The following DLG3 variants were observed in gnomAD, a reference collection of about 807,000 sequenced individuals.
DLG3 encodes discs large MAGUK scaffold protein 3.
DLG3 carries 1 observed loss-of-function variant against 64.1 expected under a neutral mutation model. The observed-to-expected ratio is 0.02, with a 90% CI of 0.01 to 0.07. The LOEUF is 0.07. Ranked by LOEUF, DLG3 falls within the 10% of genes least tolerant of loss-of-function variation. The pLI, the probability that DLG3 is intolerant of heterozygous loss-of-function variation, is 1.00. For synonymous variants in DLG3, 245 were observed against 259.8 expected, an observed-to-expected ratio of 0.94 and a Z score of 0.55; for missense variants, 429 against 669.5, an observed-to-expected ratio of 0.64 and a Z score of 3.96.
intron 10 of DLG3, among the ~76,000 whole-genome samples, chrX:70,479,693 C>CT (rs987190672): frequency 9.0e-6 from 1 of 111,154 alleles, no homozygotes; most frequent in Admixed American, 9.6e-5. Flanking sequence ...TACAGGATCT[C>CT]TTTTAAGAGA....
At chrX:70,500,702 C>G (rs868371841) in intron 17 of DLG3, 122 bp downstream of exon 17, 2 of 695,725 alleles carry the variant, frequency 2.9e-6, no homozygotes, top group Middle Eastern at 5.9e-4. Context: ...GCTCTGGTCA[C>G]TGGGCGCTCC....
At chrX:70,455,260 C>T (rs2086684400) in intron 9 of DLG3, 1 of 753,332 alleles carries the variant, frequency 1.3e-6, no homozygotes, top group South Asian at 6.8e-5. Flanking sequence ...CGACCCGGCG[C>T]CAGGTGAGGT....
intron 9 of DLG3, among the ~76,000 whole-genome samples, chrX:70,458,893 T>A (rs1337213257): frequency 1.8e-5 from 2 of 112,575 alleles, no homozygotes; most frequent in Non-Finnish European, 3.7e-5. Context: ...CTGCTTAAAA[T>A]TCAATTGAAA....
intron 9 of DLG3, among the ~76,000 whole-genome samples, chrX:70,477,736 G>T (rs983486096): frequency 8.9e-6 from 1 of 111,956 alleles, no homozygotes; most frequent in Non-Finnish European, 1.9e-5. Context: ...AAGAGCACAC[G>T]AATTTAACCC....
chrX:70,487,018 G>A (rs994049532), intron 10 of DLG3, among the ~76,000 whole-genome samples: 1 of 111,984 alleles, frequency 8.9e-6, no homozygotes, highest in African/African-American at 3.3e-5. Flanking sequence ...TCTTAGGAAA[G>A]CAGTCAATAT....
At position 70,445,011 on chromosome X, in the gene DLG3, A is replaced by C; in HGVS notation, c.-191A>C. 3.8e-6 allele frequency: 1 copy of C among 266,478 alleles called. No homozygotes were observed. Among genetic ancestry groups the C allele is most frequent in the Non-Finnish European group, 6.5e-6 (1 of 153,251 alleles). 22.0% of individuals were successfully genotyped at this position (266,478 alleles called of 1,213,427 possible). On this transcript the variant is annotated 5_prime_UTR_variant, in exon 1 of 19. Coordinates refer to ENST00000374360, the MANE Select transcript of DLG3 (RefSeq NM_021120.4). ...TGGGTGCGGGGCAGCGTGGGGGCCGAGGCCCCGGGACGCCCGCCCGGCCCC... is the reference window on the plus strand; with the variant it reads ...TGGGTGCGGGGCAGCGTGGGGGCCGCGGCCCCGGGACGCCCGCCCGGCCCC...
At chrX:70,452,950 G>T (rs913055962) in intron 7 of DLG3, 1 of 390,914 alleles carries the variant, frequency 2.6e-6, no homozygotes, top group African/African-American at 2.5e-5. Flanking sequence ...ACCTTTTACA[G>T]AGGGCTTCCT....
chrX:70,457,773 A>G (rs1175932193), intron 9 of DLG3, among the ~76,000 whole-genome samples: 2 of 110,445 alleles, frequency 1.8e-5, no homozygotes, highest in Non-Finnish European at 3.8e-5. Flanking sequence ...GGGTTTCACC[A>G]TGTTAGCCAG....
intron 9 of DLG3, among the ~76,000 whole-genome samples, chrX:70,478,517 C>T (rs1013899883): frequency 1.8e-5 from 2 of 111,367 alleles, no homozygotes; most frequent in Admixed American, 9.5e-5. Context: ...GCCAAAGAGG[C>T]TATTGGTTAA....
At chrX:70,464,328 T>C (rs2086853829) in intron 9 of DLG3, among the ~76,000 whole-genome samples, 1 of 109,442 alleles carries the variant, frequency 9.1e-6, no homozygotes, top group Admixed American at 9.9e-5. Context: ...AATGGTGTGA[T>C]CATGGCTCAC....
At chrX:70,460,783 T>G (rs956689342) in intron 9 of DLG3, among the ~76,000 whole-genome samples, 1 of 111,571 alleles carries the variant, frequency 9.0e-6, no homozygotes, top group Admixed American at 9.6e-5. Flanking sequence ...TATTATACTT[T>G]TTGTCTCTAT....
Position 70,500,996 on chromosome X carries a change from C to A in DLG3, c.2347+7C>A, listed in dbSNP as rs1272060544. 3.4e-6 allele frequency: 4 copies of A among 1,161,933 alleles called. No individual in the cohort carries two copies. The Admixed American group carries it at 9.2e-5, about 27-fold the overall frequency. On this transcript the variant is annotated splice_region_variant and intron_variant, in intron 18 of 18. Transcript: ENST00000374360. ...TTTGGAGAGTACTTTACAGGTAAGA[C>A]TCCTGCTGCCCTGCGGGGGGTTCTG...
At position 70,504,905 on chromosome X, in the gene DLG3, T is replaced by C. The variant is rs1330273146; in HGVS notation, c.*2636T>C. 8.9e-6 allele frequency: 1 copy of C among 112,315 alleles called. No homozygotes were observed. The highest frequency in any genetic ancestry group is 1.9e-5 in the Non-Finnish European group (1 of 53,180). The allele number at this position is 112,315 out of a possible 1,213,427, so 9.3% of individuals were successfully genotyped here. The stretch of plus-strand genomic sequence containing the variant: ...GGCAGTTCTGACGTGGCAGGTGCCA[T>C]TGCAACTTGTGCGGAGGAGTCTTAG... On this transcript the variant is annotated 3_prime_UTR_variant, in exon 19 of 19. Coordinates refer to ENST00000374360, the MANE Select transcript of DLG3 (RefSeq NM_021120.4).
At chrX:70,448,336 C>G (rs2066845453) in intron 1 of DLG3, among the ~76,000 whole-genome samples, 1 of 112,189 alleles carries the variant, frequency 8.9e-6, no homozygotes, top group African/African-American at 3.2e-5. Flanking sequence ...CCCAGTGTGC[C>G]CTTAGGCACA....
At chrX:70,458,793 G>T (rs56763936) in intron 9 of DLG3, among the ~76,000 whole-genome samples, 6,263 of 112,276 alleles carry the variant, frequency 0.056, 172 homozygotes, top group East Asian at 0.18. Context: ...CTATTTAGTG[G>T]TTTCACTCCT....
At chrX:70,485,680 G>A (rs373568653) in intron 10 of DLG3, among the ~76,000 whole-genome samples, 1 of 111,926 alleles carries the variant, frequency 8.9e-6, no homozygotes, top group East Asian at 2.8e-4. Context: ...TTTGCGTTCC[G>A]GTTCATTAAG....
In DLG3 at chrX:70,503,285, C is replaced by T. The variant is rs1365653915; in HGVS notation, c.*1016C>T. On this transcript the variant is annotated 3_prime_UTR_variant, in exon 19 of 19. Transcript: ENST00000374360. ...AAACCATGTTGTGCTACTGTGTCAGCCTTTTCATTATTGCAAATTTTACTT... is the reference window on the plus strand; with the variant it reads ...AAACCATGTTGTGCTACTGTGTCAGTCTTTTCATTATTGCAAATTTTACTT... The T allele has an allele frequency of 4.4e-5, 5 of 112,875 alleles. No homozygotes were observed. The highest frequency in any genetic ancestry group is 1.9e-4 in the Admixed American group (2 of 10,635). The allele number at this position is 112,875 out of a possible 1,213,427, so 9.3% of individuals were successfully genotyped here.
chrX:70,495,349 C>A, intron 12 of DLG3, 59 bp from the exon 13 acceptor site: 1 of 1,066,767 alleles, frequency 9.4e-7, no homozygotes, highest in Non-Finnish European at 1.3e-6. Context: ...CCCATCCCTT[C>A]CCCTTCCCCC....
chrX:70,501,959 G>A lies in DLG3; in HGVS notation c.2348-204G>A, dbSNP rs773750102. On this transcript the variant is annotated intron_variant, in intron 18 of 18. Coordinates refer to ENST00000374360, the MANE Select transcript of DLG3 (RefSeq NM_021120.4). ...TCAAGCCCTGGACTTGGGGTACCTT[G>A]TTGGTTGCCCTTACTGCCCTGAACA... 3.6e-5 allele frequency among the ~76,000 whole-genome samples: 4 copies of A among 110,864 alleles called. No homozygotes were observed. In the South Asian group the frequency reaches 1.6e-3, roughly 44 times the overall value.
Sources: allele counts gnomAD v4.1 joint callset (sites outside exome capture counted in the v4.1 genomes callset), GRCh38; gene constraint gnomAD v4.1.1; transcripts MANE v1.5; gene names NCBI Gene and HGNC (gene_info 2026-07-23, HGNC 2026-07-21).